Variants in SRGAP3 observed in about 807,000 individuals in gnomAD.
SRGAP3 encodes the protein SLIT-ROBO Rho GTPase activating protein 3.
Under a neutral mutation model 121.1 loss-of-function variants are expected in SRGAP3, and 39 were observed. The ratio of observed to expected loss-of-function variants is 0.32; its 90% CI spans 0.25 to 0.42. The LOEUF (loss-of-function observed/expected upper bound fraction) is 0.42. Ranked by LOEUF, SRGAP3 falls within the 10% of genes least tolerant of loss-of-function variation. The probability of loss-of-function intolerance (pLI) is 1.00; values close to 1 mark genes in which losing one functional copy is unlikely to be tolerated. For synonymous variants in SRGAP3, 601 were observed against 570.0 expected (o/e 1.05, Z -0.77); for missense variants, 1,213 against 1,470.6 (o/e 0.82, Z 2.86).
At chr3:9,219,399 A>C (rs879518946) in intron 1 of SRGAP3, 6 of 152,224 alleles carry the variant, frequency 3.9e-5, no homozygotes, top group Non-Finnish European at 7.3e-5. Flanking sequence ...GGTTCAGTGT[A>C]ATCAGGTATG....
intron 1 of SRGAP3, among the ~76,000 whole-genome samples, chr3:9,203,726 T>C (rs895990950): frequency 2.6e-5 from 4 of 152,214 alleles, no homozygotes; most frequent in African/African-American, 9.6e-5. Context: ...GCCTGGAACA[T>C]GGTAAAGGTT....
intron 1 of SRGAP3, chr3:9,349,295 T>C (rs2029933700): frequency 2.3e-6 from 1 of 437,190 alleles, no homozygotes; most frequent in African/African-American, 2.0e-5. Flanking sequence ...TCTGTAGGCA[T>C]CTTGAGCTGT....
intron 14 of SRGAP3, among the ~76,000 whole-genome samples, chr3:9,017,901 T>G (rs1943717932): frequency 6.6e-6 from 1 of 152,206 alleles, no homozygotes; most frequent in Admixed American, 6.5e-5. Flanking sequence ...ATATACGAAA[T>G]AGTGTTGCTA....
At chr3:9,167,638 T>C (rs1290776886) in intron 1 of SRGAP3, among the ~76,000 whole-genome samples, 1 of 152,200 alleles carries the variant, frequency 6.6e-6, no homozygotes. Context: ...GTCCTTGGGA[T>C]GTGCTGGTTT....
chr3:9,020,601 C>T (rs916772828), intron 14 of SRGAP3, among the ~76,000 whole-genome samples: 14 of 152,178 alleles, frequency 9.2e-5, no homozygotes, highest in African/African-American at 1.7e-4. Flanking sequence ...ACTTTACATA[C>T]GCACACATAC....
At chr3:9,254,619 C>T (rs1365396883), upstream of SRGAP3, among the ~76,000 whole-genome samples, 2 of 151,990 alleles carry the variant, frequency 1.3e-5, no homozygotes, top group African/African-American at 4.8e-5. Context: ...CATAGAGAGA[C>T]CTCTTCTCTA....
At position 9,354,524 on chromosome 3, in the gene SRGAP3, C is replaced by CA. The variant is rs1402333669; in HGVS notation, n.214+8315dup. On this transcript the variant is annotated intron_variant and non_coding_transcript_variant, in intron 1 of 3. Coordinates refer to the SRGAP3 transcript ENST00000490889. ...GAAACCCGGTCTCTACTAAAAAACA[C>CA]AAAAAAAATTAGCCGGACATGGTGG... Among the ~76,000 whole-genome samples, 4 of 151,376 alleles carry CA rather than the reference C, an allele frequency of 2.6e-5. No individual in the cohort carries two copies. The East Asian group carries it at 5.8e-4, about 22-fold the overall frequency.
chr3:8,991,326 C>G (rs1346254912), intron 20 of SRGAP3, among the ~76,000 whole-genome samples: 1 of 152,214 alleles, frequency 6.6e-6, no homozygotes, highest in Admixed American at 6.5e-5. Flanking sequence ...TGAAGACACT[C>G]TAACGTTGCC....
At chr3:9,286,443 T>A (rs945748656) in intron 3 of SRGAP3, among the ~76,000 whole-genome samples, 5 of 151,944 alleles carry the variant, frequency 3.3e-5, no homozygotes, top group African/African-American at 1.2e-4. Context: ...GGAGGATCAC[T>A]TGAGACCAGG....
At chr3:9,101,151 C>G (rs386369) in intron 3 of SRGAP3, among the ~76,000 whole-genome samples, 66,577 of 152,160 alleles carry the variant, frequency 0.44, 14,965 homozygotes, top group African/African-American at 0.53. Flanking sequence ...ATGAGCTATC[C>G]TGAGAGGTAA....
intron 1 of SRGAP3, among the ~76,000 whole-genome samples, chr3:9,134,619 G>T (rs1203197426): frequency 6.6e-6 from 1 of 151,796 alleles, no homozygotes; most frequent in Non-Finnish European, 1.5e-5. Flanking sequence ...AGAGTAAAGG[G>T]CAGACAGGAA....
intron 3 of SRGAP3, among the ~76,000 whole-genome samples, chr3:9,270,965 A>G (rs1954464641): frequency 6.6e-6 from 1 of 152,208 alleles, no homozygotes; most frequent in Non-Finnish European, 1.5e-5. Flanking sequence ...ATCCCCCTGC[A>G]GAGGATTTTT....
At chr3:9,360,655 G>A (rs751779523) in intron 1 of SRGAP3, among the ~76,000 whole-genome samples, 16 of 152,168 alleles carry the variant, frequency 1.1e-4, no homozygotes, top group Admixed American at 3.3e-4. Context: ...CTTACATGGC[G>A]GCAGCAAGAA....
intron 3 of SRGAP3, among the ~76,000 whole-genome samples, chr3:9,300,576 T>C (rs1955038888): frequency 6.6e-6 from 1 of 152,182 alleles, no homozygotes. Context: ...GCTTGATTCA[T>C]GAGCCAGCAA....
intron 3 of SRGAP3, among the ~76,000 whole-genome samples, chr3:9,281,151 CT>C (rs2125265349): frequency 1.3e-5 from 2 of 152,302 alleles, no homozygotes; most frequent in Admixed American, 1.3e-4. Flanking sequence ...CACAAAGCCA[CT>C]GAAATCCCAG....
At chr3:9,248,805 G>T (rs1248508985) in intron 1 of SRGAP3, 80 bp downstream of exon 1, 3 of 1,398,446 alleles carry the variant, frequency 2.1e-6, no homozygotes, top group Admixed American at 3.4e-5. Context: ...AGGAAAACGG[G>T]GGGCAGCGGG....
chr3:9,112,504 G>C (rs1248617392), intron 2 of SRGAP3, among the ~76,000 whole-genome samples: 1 of 152,236 alleles, frequency 6.6e-6, no homozygotes, highest in Admixed American at 6.5e-5. Flanking sequence ...CAGTCTAGTG[G>C]GGGTCTCAGA....
At chr3:9,339,324 A>C (rs1480062971) in intron 1 of SRGAP3, among the ~76,000 whole-genome samples, 1 of 152,254 alleles carries the variant, frequency 6.6e-6, no homozygotes, top group Admixed American at 6.5e-5. Flanking sequence ...GTGGCAAAAG[A>C]AGCAGGCATG....
chr3:8,994,515 G>C lies in SRGAP3; in HGVS notation c.2236C>G (p.Gln746Glu). The change falls in exon 19 of 22, where the codon CAG (glutamine) becomes GAG (glutamate). Residue 746 changes from glutamine to glutamate, a missense_variant. By Grantham distance (29) the Gln-to-Glu change is conservative. Coordinates refer to ENST00000383836, the MANE Select transcript of SRGAP3 (RefSeq NM_014850.4). ...TCAAACTTGGCAATAGCCTCGATCT[G>C]CTCCACTTCTGGAAGGAAATCAAGG... ...EPHTSDEEVE[Q>E]IEAIAKFDYM... is the part of the protein sequence containing the mutation. The C allele has an allele frequency of 6.2e-7, 1 of 1,613,672 alleles. No homozygotes were observed. Among genetic ancestry groups the C allele is most frequent in the Non-Finnish European group, 8.5e-7 (1 of 1,179,966 alleles).
Sources: allele counts gnomAD v4.1 joint callset (sites outside exome capture counted in the v4.1 genomes callset), GRCh38; gene constraint gnomAD v4.1.1; transcripts MANE v1.5; gene names NCBI Gene and HGNC (gene_info 2026-07-23, HGNC 2026-07-21).